Variants in DOT1L observed in about 807,000 individuals in gnomAD.
The protein encoded by DOT1L is histone-lysine N-methyltransferase, H3 lysine-79 specific.
DOT1L carries 33 observed loss-of-function variants against 153.3 expected under a neutral mutation model. That is an observed-to-expected ratio of 0.22 (90% CI 0.16 to 0.29). The LOEUF is 0.29. Among genes scored for constraint, DOT1L ranks in the 10% least tolerant of loss-of-function variants. The pLI is 1.00. For missense variants in DOT1L, 1,847 were observed against 2,119.9 expected (o/e 0.87, Z 2.53); for synonymous variants, 1,135 against 965.1 (o/e 1.18, Z -3.26).
At chr19:2,183,599 A>G (rs2022346354) in intron 2 of DOT1L, among the ~76,000 whole-genome samples, 1 of 150,132 alleles carries the variant, frequency 6.7e-6, no homozygotes, top group South Asian at 2.1e-4. Flanking sequence ...GCGTTTAAAC[A>G]GTGTCACTCC....
At chr19:2,183,906 T>G (rs1168522195) in intron 2 of DOT1L, among the ~76,000 whole-genome samples, 1 of 150,746 alleles carries the variant, frequency 6.6e-6, no homozygotes, top group Non-Finnish European at 1.5e-5. Flanking sequence ...ATTATAGGCA[T>G]GAGCCACCAC....
chr19:2,191,892 C>T lies in DOT1L; in HGVS notation c.493+652C>T, dbSNP rs2022810927. On this transcript the variant is annotated intron_variant, in intron 5 of 27. Coordinates refer to ENST00000398665, the MANE Select transcript of DOT1L (RefSeq NM_032482.3). This position sits in a 1 kb window ranked among gnomAD's most constrained non-coding sequence, Gnocchi z 6.8. Reference sequence around the variant, plus strand: ...ACGGGCGGGGCTCCTTGAAACGAGGCCCTAGGTGTGTCTTCAGCAGCAGCG... The same window carrying T: ...ACGGGCGGGGCTCCTTGAAACGAGGTCCTAGGTGTGTCTTCAGCAGCAGCG... Among the ~76,000 whole-genome samples, 1 of 152,166 alleles carries T rather than the reference C, an allele frequency of 6.6e-6. No individual in the cohort carries two copies. The highest frequency in any genetic ancestry group is 2.4e-5 in the African/African-American group (1 of 41,426).
chr19:2,189,889 C>A, intron 4 of DOT1L, 94 bp downstream of exon 4: 1 of 1,334,800 alleles, frequency 7.5e-7, no homozygotes, highest in South Asian at 1.2e-5. Flanking sequence ...GCACAGAGCT[C>A]CCCTTAGAGC....
At position 2,187,913 on chromosome 19, in the gene DOT1L, C is replaced by T. The variant is rs191136848; in HGVS notation, c.201-1819C>T. 1.8e-3 allele frequency among the ~76,000 whole-genome samples: 231 copies of T among 125,554 alleles called. 1 individual carries two copies. The highest frequency in any genetic ancestry group is 5.6e-3 in the African/African-American group (184 of 32,608). The allele number at this position is 125,554 out of a possible 152,430, so 82.4% of individuals were successfully genotyped here. A position where few individuals can be genotyped will look rare whatever the true frequency, so the allele number is the denominator to read the frequency against. ...CTCCAGCCTGGGTGACAGAGCGAGACTCCATCTCAGAAAAAAAAAAAAAAA... is the reference window on the plus strand; with the variant it reads ...CTCCAGCCTGGGTGACAGAGCGAGATTCCATCTCAGAAAAAAAAAAAAAAA... On this transcript the variant is annotated intron_variant, in intron 3 of 27. Transcript: ENST00000398665.
At chr19:2,225,328 TTG>T in intron 25 of DOT1L, 58 bp from the exon 26 acceptor site, 1 of 1,524,100 alleles carries the variant, frequency 6.6e-7, no homozygotes. Context: ...CTGTCAGCAT[TTG>T]TGTCATTCTT....
chr19:2,216,816 G>C lies in DOT1L; in HGVS notation c.2408+51G>C, dbSNP rs765958455. On this transcript the variant is annotated intron_variant, in intron 20 of 27. Transcript: ENST00000398665. ...TCTGCAGCTGGTACCTGCCGACTCT[G>C]CCTGGTGTGCTCAGGCTGTCGGGTT... 3.2e-6 allele frequency: 5 copies of C among 1,558,968 alleles called. No homozygotes were observed. In the African/African-American group the frequency reaches 6.7e-5, roughly 21 times the overall value.
In DOT1L at chr19:2,212,882, G is replaced by A. The variant is rs72985477; in HGVS notation, c.1558-657G>A. Reference sequence around the variant, plus strand: ...CCTGCTTTAGTGGGGAGCTAGGGCCGGGCTATGGGGTGGAAGTTCTGGCGG... The same window carrying A: ...CCTGCTTTAGTGGGGAGCTAGGGCCAGGCTATGGGGTGGAAGTTCTGGCGG... On this transcript the variant is annotated intron_variant, in intron 16 of 27. Coordinates refer to ENST00000398665, the MANE Select transcript of DOT1L (RefSeq NM_032482.3). 6.5e-3 allele frequency: 998 copies of A among 152,370 alleles called. 9 individuals carry two copies. Among genetic ancestry groups the A allele is most frequent in the Non-Finnish European group, 0.011 (752 of 68,066 alleles). 9.4% of individuals were successfully genotyped at this position (152,370 alleles called of 1,614,324 possible).
At chr19:2,215,886 TA>T (rs2023879533) in intron 19 of DOT1L, 1 of 176,404 alleles carries the variant, frequency 5.7e-6, no homozygotes. Context: ...ACAGAACAGA[TA>T]AACTAAAAGG....
chr19:2,202,801 T>G, intron 9 of DOT1L, 22 bp downstream of exon 9: 1 of 1,613,940 alleles, frequency 6.2e-7, no homozygotes, highest in Non-Finnish European at 8.5e-7. Flanking sequence ...TCCTCGCCGG[T>G]CTGTGCTGGT....
intron 1 of DOT1L, among the ~76,000 whole-genome samples, chr19:2,170,355 A>G (rs2021547372): frequency 6.6e-6 from 1 of 152,016 alleles, no homozygotes; most frequent in Non-Finnish European, 1.5e-5. Context: ...GACCTGATGC[A>G]TTTTGCATGC....
At chr19:2,228,715 C>G (rs563698785) in intron 27 of DOT1L, 8 of 985,262 alleles carry the variant, frequency 8.1e-6, no homozygotes, top group Non-Finnish European at 9.6e-6. Context: ...GCTCTAGCTC[C>G]TAGAGCAGTC....
intron 1 of DOT1L, among the ~76,000 whole-genome samples, chr19:2,172,212 C>T (rs191828751): frequency 3.7e-4 from 56 of 149,334 alleles, no homozygotes; most frequent in African/African-American, 1.2e-3. Context: ...TTTTTTGAGA[C>T]GGAGTCTCGC....
intron 2 of DOT1L, among the ~76,000 whole-genome samples, chr19:2,181,259 G>A (rs774594730): frequency 2.6e-5 from 4 of 152,176 alleles, no homozygotes; most frequent in African/African-American, 4.8e-5. Flanking sequence ...CATGGTGGCC[G>A]GCATTCTGCG....
intron 1 of DOT1L, among the ~76,000 whole-genome samples, chr19:2,168,137 G>A (rs1013944152): frequency 2.6e-5 from 4 of 152,040 alleles, no homozygotes; most frequent in East Asian, 3.8e-4. Context: ...TTCTCCCCCC[G>A]CCACCGCCCC....
At position 2,226,712 on chromosome 19, in the gene DOT1L, C is replaced by G. The variant is rs979847389; in HGVS notation, c.4191C>G (p.Cys1397Trp). The change falls in exon 27 of 28, where the codon TGC becomes TGG. Residue 1397 changes from cysteine to tryptophan, a missense_variant. By Grantham distance (215) the Cys-to-Trp change is radical. Coordinates refer to ENST00000398665, the MANE Select transcript of DOT1L (RefSeq NM_032482.3). Reference sequence around the variant, plus strand: ...CAGGGGAGGGCGGCCTACCGCTGTGCGGGCCCACGGACAAGACCCCACTGC... The same window carrying G: ...CAGGGGAGGGCGGCCTACCGCTGTGGGGGCCCACGGACAAGACCCCACTGC... ...KEAGEGGLPL[C>W]GPTDKTPLLS... is the part of the protein sequence containing the mutation. 1.3e-6 allele frequency: 2 copies of G among 1,563,006 alleles called. No individual in the cohort carries two copies. The highest frequency in any genetic ancestry group is 1.4e-5 in the African/African-American group (1 of 73,754).
intron 1 of DOT1L, among the ~76,000 whole-genome samples, chr19:2,169,474 C>T (rs1297762969): frequency 6.6e-6 from 1 of 152,138 alleles, no homozygotes; most frequent in Non-Finnish European, 1.5e-5. Flanking sequence ...GCAGATGATA[C>T]AGGGACACTC....
chr19:2,223,618 G>A, intron 25 of DOT1L, 132 bp downstream of exon 25: 1 of 1,101,986 alleles, frequency 9.1e-7, no homozygotes. Context: ...TGGGAGGAAG[G>A]CGTCTGTTTT....
chr19:2,166,297 T>C (rs2019919754), intron 1 of DOT1L, among the ~76,000 whole-genome samples: 1 of 150,674 alleles, frequency 6.6e-6, no homozygotes, highest in South Asian at 2.1e-4. Flanking sequence ...GGTTTCTCCA[T>C]GTTCATCAGG....
intron 9 of DOT1L, among the ~76,000 whole-genome samples, chr19:2,203,555 A>C (rs1157211237): frequency 1.3e-5 from 2 of 152,134 alleles, no homozygotes; most frequent in Admixed American, 1.3e-4. Context: ...CTCCCTCCGG[A>C]GAAAGGTCAC....
Sources: gnomAD v4.1 joint callset for allele counts (sites outside exome capture counted in the v4.1 genomes callset) on GRCh38, gnomAD v4.1.1 for gene constraint, Gnocchi (gnomAD v3.1) non-coding constraint, MANE v1.5 for transcripts, NCBI Gene and HGNC (gene_info 2026-07-23, HGNC 2026-07-21) for gene names.